The following CTPS2 variants were observed in gnomAD, a reference collection of about 807,000 sequenced individuals.
The protein encoded by CTPS2 is CTP synthase II.
In CTPS2, 19 loss-of-function variants were observed where a neutral mutation model predicts 46.8. The ratio of observed to expected loss-of-function variants is 0.41; its 90% CI spans 0.28 to 0.60. The LOEUF is 0.60. CTPS2 is among the 20% of genes least tolerant of loss of function. CTPS2 has a pLI of 0.35. For synonymous variants in CTPS2, 151 were observed against 165.2 expected, an observed-to-expected ratio of 0.91 and a Z score of 0.66; for missense variants, 286 against 447.6, an observed-to-expected ratio of 0.64 and a Z score of 3.26.
intron 17 of CTPS2, among the ~76,000 whole-genome samples, chrX:16,598,753 C>A (rs1167030846): frequency 4.5e-5 from 5 of 110,636 alleles, no homozygotes; most frequent in Non-Finnish European, 9.5e-5. Context: ...GAGACACAAC[C>A]AAAAAAGAGA....
intron 10 of CTPS2, among the ~76,000 whole-genome samples, chrX:16,676,797 C>G (rs1462723965): frequency 1.8e-5 from 2 of 111,517 alleles, no homozygotes; most frequent in African/African-American, 6.5e-5. Context: ...CGTGGTGGCT[C>G]ACACCTGTAA....
chrX:16,679,887 G>A (rs1459660123), intron 9 of CTPS2, among the ~76,000 whole-genome samples: 1 of 111,581 alleles, frequency 9.0e-6, no homozygotes, highest in East Asian at 2.8e-4. Context: ...GCAGTTGTTT[G>A]TAAGCCACCT....
chrX:16,708,777 A>G (rs1925211242), intron 1 of CTPS2, among the ~76,000 whole-genome samples: 1 of 111,704 alleles, frequency 9.0e-6, no homozygotes, highest in Non-Finnish European at 1.9e-5. Flanking sequence ...AAATGGAAAA[A>G]TGCCGTAGAG....
At chrX:16,651,822 C>T (rs1932651118) in intron 13 of CTPS2, among the ~76,000 whole-genome samples, 1 of 111,679 alleles carries the variant, frequency 9.0e-6, no homozygotes, top group African/African-American at 3.3e-5. Flanking sequence ...GTCCTCACTC[C>T]AATATACAGT....
intron 8 of CTPS2, among the ~76,000 whole-genome samples, chrX:16,683,733 A>G (rs1373659975): frequency 8.9e-6 from 1 of 112,744 alleles, no homozygotes; most frequent in Admixed American, 9.5e-5. Flanking sequence ...AACATGAGCT[A>G]TTCTTACATT....
intron 1 of CTPS2, among the ~76,000 whole-genome samples, chrX:16,708,617 G>A (rs979548198): frequency 1.8e-5 from 2 of 110,588 alleles, no homozygotes; most frequent in African/African-American, 6.6e-5. Flanking sequence ...CCAAGTCCTA[G>A]GAATATGGAG....
At chrX:16,612,801 AG>A (rs1930327007) in intron 16 of CTPS2, among the ~76,000 whole-genome samples, 1 of 112,376 alleles carries the variant, frequency 8.9e-6, no homozygotes, top group Non-Finnish European at 1.9e-5. Context: ...CTTGCTGCAA[AG>A]GACTAGCTGG....
intron 9 of CTPS2, among the ~76,000 whole-genome samples, chrX:16,682,463 C>T (rs1166127115): frequency 1.8e-5 from 2 of 111,759 alleles, no homozygotes; most frequent in South Asian, 3.8e-4. Context: ...CCAACCTGGG[C>T]GGCAGAGGGA....
intron 13 of CTPS2, among the ~76,000 whole-genome samples, chrX:16,644,497 C>T (rs1305005632): frequency 4.5e-5 from 5 of 111,225 alleles, no homozygotes; most frequent in African/African-American, 1.6e-4. Context: ...CCCATTGTAA[C>T]CACAAAGGCT....
chrX:16,699,135 C>A, intron 2 of CTPS2, 42 bp from the exon 3 acceptor site: 1 of 1,005,870 alleles, frequency 9.9e-7, no homozygotes, highest in Non-Finnish European at 1.3e-6. Context: ...ACTTTGCTTC[C>A]AGTAGATTTT....
Position 16,691,688 on chromosome X carries a change from T to G in CTPS2, c.640-68A>C, listed in dbSNP as rs1045317207. ...AGCAGGATGCCACATTCATTTCTTT[T>G]TACAAGAAACTTGGCCAAGTATGTA... On this transcript the variant is annotated intron_variant, in intron 6 of 18. Transcript: ENST00000359276. The G allele has an allele frequency of 7.0e-5, 67 of 963,126 alleles. No individual in the cohort carries two copies. In the African/African-American group the frequency reaches 1.2e-3, roughly 17 times the overall value. The allele number at this position is 963,126 out of a possible 1,213,427, so 79.4% of individuals were successfully genotyped here. A position where few individuals can be genotyped will look rare whatever the true frequency, so the allele number is the denominator to read the frequency against.
At chrX:16,668,804 AGG>A (rs1921457544) in intron 11 of CTPS2, among the ~76,000 whole-genome samples, 1 of 108,466 alleles carries the variant, frequency 9.2e-6, no homozygotes, top group Admixed American at 9.9e-5. Context: ...GAAGGAAGGA[AGG>A]AAGGAAGGAA....
At position 16,623,792 on chromosome X, in the gene CTPS2, CTTTTTTTTTTTTTT is replaced by C. The variant is rs60328217; in HGVS notation, c.1394-3474_1394-3461del. On this transcript the variant is annotated intron_variant, in intron 14 of 18. Transcript: ENST00000359276. The stretch of plus-strand genomic sequence containing the variant: ...ATACCCAGCAGTCATCCCCTCAATT[CTTTTTTTTTTTTTT>C]TTTTTTTTTTTTTTTTTTCTGAGAC... Among the ~76,000 whole-genome samples, 24 of 21,688 alleles carry C rather than the reference CTTTTTTTTTTTTTT, an allele frequency of 1.1e-3. 1 individual carries two copies. The highest frequency in any genetic ancestry group is 3.4e-3 in the African/African-American group (18 of 5,313). 18.8% of individuals were successfully genotyped at this position (21,688 alleles called of 115,157 possible).
chrX:16,620,487 T>C (rs185914765), intron 14 of CTPS2, among the ~76,000 whole-genome samples, 155 bp from the exon 15 acceptor site: 291 of 112,007 alleles, frequency 2.6e-3, no homozygotes, highest in African/African-American at 8.9e-3. Context: ...GATTTTCTTC[T>C]TTTCTAATAG....
At chrX:16,591,972 T>C (rs1168260323) in intron 17 of CTPS2, among the ~76,000 whole-genome samples, 1 of 112,242 alleles carries the variant, frequency 8.9e-6, no homozygotes, top group Non-Finnish European at 1.9e-5. Context: ...TCATCAGGTC[T>C]GTTTTAGAAA....
At position 16,683,008 on chromosome X, in the gene CTPS2, G is replaced by A. The variant is rs938795594; in HGVS notation, c.1005+86C>T. The A allele has an allele frequency of 8.5e-6, 9 of 1,058,276 alleles. No homozygotes were observed. In the East Asian group the frequency reaches 2.7e-4, roughly 32 times the overall value. The allele number at this position is 1,058,276 out of a possible 1,213,427, so 87.2% of individuals were successfully genotyped here. On this transcript the variant is annotated intron_variant, in intron 9 of 18. Coordinates refer to ENST00000359276, the MANE Select transcript of CTPS2 (RefSeq NM_175859.3). ...TCGTAAGTCCTGCAGGTGATCTCAG[G>A]GACCCTTTAACAAAACTTGCCCCTC...
At chrX:16,670,436 T>C (rs1374446860) in intron 11 of CTPS2, 144 bp downstream of exon 11, 4 of 427,126 alleles carry the variant, frequency 9.4e-6, no homozygotes, top group Non-Finnish European at 1.6e-5. Flanking sequence ...GAATATAGTT[T>C]GTTGACCCTA....
At chrX:16,623,983 A>C (rs1602151840) in intron 14 of CTPS2, among the ~76,000 whole-genome samples, 1 of 106,634 alleles carries the variant, frequency 9.4e-6, no homozygotes, top group Admixed American at 1.0e-4. Flanking sequence ...AATTTTTTGT[A>C]TTTTTAGTAG....
At chrX:16,640,944 C>G (rs1469482644) in intron 13 of CTPS2, among the ~76,000 whole-genome samples, 2 of 112,062 alleles carry the variant, frequency 1.8e-5, no homozygotes, top group Non-Finnish European at 3.8e-5. Flanking sequence ...CCAAGAGTTA[C>G]TTCAGGGAAA....
Sources: allele counts gnomAD v4.1 joint callset (sites outside exome capture counted in the v4.1 genomes callset), GRCh38; gene constraint gnomAD v4.1.1; transcripts MANE v1.5; gene names NCBI Gene and HGNC (gene_info 2026-07-23, HGNC 2026-07-21).